CPQ: variants seen among roughly 807,000 people sequenced by gnomAD.
CPQ encodes Ser-Met dipeptidase.
Under a neutral mutation model 45.7 loss-of-function variants are expected in CPQ, and 37 were observed. The observed-to-expected ratio is 0.81, with a 90% CI of 0.62 to 1.07. The LOEUF is 1.07. Among genes scored for constraint, CPQ ranks in the 50% least tolerant of loss-of-function variants. The pLI is 0.00. For synonymous variants in CPQ, 186 were observed against 205.8 expected (o/e 0.90, Z 0.82); for missense variants, 537 against 572.9 (o/e 0.94, Z 0.64).
chr8:96,989,795 C>A (rs937154527), intron 5 of CPQ, among the ~76,000 whole-genome samples: 3 of 152,004 alleles, frequency 2.0e-5, no homozygotes, highest in African/African-American at 7.2e-5. Flanking sequence ...CTTTGAGGAT[C>A]AAAGAATCTT....
chr8:96,770,333 A>C (rs563238013), intron 1 of CPQ, among the ~76,000 whole-genome samples: 1 of 152,286 alleles, frequency 6.6e-6, no homozygotes, highest in African/African-American at 2.4e-5. Flanking sequence ...CTAACCTGCT[A>C]TCACTGTAGT....
intron 6 of CPQ, among the ~76,000 whole-genome samples, chr8:97,044,452 GT>G (rs1253678977): frequency 6.6e-6 from 1 of 152,152 alleles, no homozygotes; most frequent in Non-Finnish European, 1.5e-5. Context: ...GCTCGGAGTA[GT>G]TTGATTGTCT....
chr8:96,927,467 T>A (rs929367992), intron 4 of CPQ, among the ~76,000 whole-genome samples: 17 of 152,078 alleles, frequency 1.1e-4, no homozygotes, highest in Non-Finnish European at 2.4e-4. Context: ...TTCATACCTT[T>A]CCAAGGCAAG....
intron 1 of CPQ, among the ~76,000 whole-genome samples, chr8:96,737,957 C>G (rs932632364): frequency 6.6e-6 from 1 of 151,830 alleles, no homozygotes; most frequent in African/African-American, 2.4e-5. Flanking sequence ...TTAGTATTTT[C>G]TAATTTTTAT....
chr8:96,747,883 G>T (rs1301137167), intron 1 of CPQ, among the ~76,000 whole-genome samples: 4 of 152,186 alleles, frequency 2.6e-5, no homozygotes, highest in Non-Finnish European at 5.9e-5. Flanking sequence ...GCACACTAAA[G>T]TTTGAGTACC....
chr8:96,741,487 T>G (rs898948468), intron 1 of CPQ, among the ~76,000 whole-genome samples: 3 of 152,230 alleles, frequency 2.0e-5, no homozygotes, highest in African/African-American at 4.8e-5. Flanking sequence ...AGTTCTGCTC[T>G]GATTTTAGTT....
At chr8:97,126,310 G>A (rs1811847077) in intron 7 of CPQ, among the ~76,000 whole-genome samples, 1 of 152,176 alleles carries the variant, frequency 6.6e-6, no homozygotes. Flanking sequence ...TGGACAGGTA[G>A]CTGCTGGGCA....
chr8:96,967,936 C>T (rs1485487101), intron 5 of CPQ, among the ~76,000 whole-genome samples: 2 of 152,126 alleles, frequency 1.3e-5, no homozygotes, highest in Non-Finnish European at 2.9e-5. Context: ...ATTAAATAAG[C>T]AGAGTATACT....
chr8:96,844,267 C>G (rs931928835), intron 3 of CPQ, among the ~76,000 whole-genome samples: 1 of 152,164 alleles, frequency 6.6e-6, no homozygotes, highest in Non-Finnish European at 1.5e-5. Context: ...ATTACTTATG[C>G]CTTTTTTATC....
At chr8:96,926,576 C>CTCTTCTTCT (rs60745622) in intron 4 of CPQ, among the ~76,000 whole-genome samples, 2,790 of 74,968 alleles carry the variant, frequency 0.037, 95 homozygotes, top group South Asian at 0.059. Flanking sequence ...CTTCCTCTTC[C>CTCTTCTTCT]TCTTCTTCTT....
chr8:96,717,020 TATAA>T (rs1170178283), intron 1 of CPQ, among the ~76,000 whole-genome samples: 1 of 75,652 alleles, frequency 1.3e-5, no homozygotes, highest in African/African-American at 5.4e-5. Flanking sequence ...TATTCCATGA[TATAA>T]ATATATATAT....
intron 5 of CPQ, among the ~76,000 whole-genome samples, chr8:96,990,466 T>C (rs1809068060): frequency 1.3e-5 from 2 of 152,180 alleles, no homozygotes; most frequent in African/African-American, 2.4e-5. Flanking sequence ...TTGAATAGTC[T>C]TATGTACTGG....
chr8:96,684,043 C>T (rs1332900713), intron 1 of CPQ, among the ~76,000 whole-genome samples: 1 of 151,950 alleles, frequency 6.6e-6, no homozygotes, highest in African/African-American at 2.4e-5. Context: ...TTATAAATTT[C>T]CTTTACTTTG....
intron 7 of CPQ, among the ~76,000 whole-genome samples, chr8:97,114,723 G>T (rs943452313): frequency 2.0e-4 from 31 of 152,294 alleles, no homozygotes; most frequent in Admixed American, 1.8e-3. Flanking sequence ...AGATGTTATT[G>T]CCAGTTGTCA....
intron 7 of CPQ, among the ~76,000 whole-genome samples, chr8:97,069,610 C>T (rs1034532749): frequency 3.9e-5 from 6 of 151,940 alleles, no homozygotes; most frequent in African/African-American, 7.3e-5. Context: ...GAAGGCCTGA[C>T]AAATTATAGC....
intron 7 of CPQ, among the ~76,000 whole-genome samples, chr8:97,084,951 T>G (rs1402903822): frequency 6.6e-6 from 1 of 152,122 alleles, no homozygotes; most frequent in Non-Finnish European, 1.5e-5. Flanking sequence ...TTTTTATTTA[T>G]TCTTTTGTTA....
intron 1 of CPQ, among the ~76,000 whole-genome samples, chr8:96,757,270 G>C (rs1002302773): frequency 1.3e-5 from 2 of 151,684 alleles, no homozygotes; most frequent in South Asian, 2.1e-4. Context: ...AGAATCACTT[G>C]AACCTGGGAG....
chr8:96,909,893 C>A (rs1433662429), intron 4 of CPQ, among the ~76,000 whole-genome samples: 1 of 152,152 alleles, frequency 6.6e-6, no homozygotes, highest in Admixed American at 6.5e-5. Context: ...AATTTTAGTG[C>A]TAAAAGAAAC....
chr8:97,030,493 C>A (rs1449151686), intron 6 of CPQ, among the ~76,000 whole-genome samples: 1 of 151,996 alleles, frequency 6.6e-6, no homozygotes, highest in East Asian at 1.9e-4. Flanking sequence ...AACTTATGAC[C>A]TATGCCCTAC....
Sources: gnomAD v4.1 joint callset for allele counts (sites outside exome capture counted in the v4.1 genomes callset) on GRCh38, gnomAD v4.1.1 for gene constraint, MANE v1.5 for transcripts, NCBI Gene and HGNC (gene_info 2026-07-23, HGNC 2026-07-21) for gene names.